The following ZEB2 variants were observed in gnomAD, a reference collection of about 807,000 sequenced individuals.
The protein encoded by ZEB2 is zinc finger E-box binding homeobox 2.
In ZEB2, 6 loss-of-function variants were observed where a neutral mutation model predicts 99.9. The ratio of observed to expected loss-of-function variants is 0.06; its 90% CI spans 0.03 to 0.12. The LOEUF is 0.12. Ranked by LOEUF, ZEB2 falls within the 10% of genes least tolerant of loss-of-function variation. The probability of loss-of-function intolerance (pLI) is 1.00; values close to 1 mark genes in which losing one functional copy is unlikely to be tolerated. For synonymous variants in ZEB2, 517 were observed against 542.5 expected (o/e 0.95, Z 0.65); for missense variants, 969 against 1,502.8 (o/e 0.64, Z 5.87).
At chr2:144,496,986 T>G (rs1209319567) in intron 2 of ZEB2, 4 of 152,274 alleles carry the variant, frequency 2.6e-5, no homozygotes, top group Admixed American at 1.3e-4. Context: ...TGACCACCTT[T>G]GCAGACTCAA....
chr2:144,392,143 T>C (rs1196321770), intron 9 of ZEB2, among the ~76,000 whole-genome samples: 2 of 152,220 alleles, frequency 1.3e-5, no homozygotes, highest in African/African-American at 2.4e-5. Flanking sequence ...AAATTATAGA[T>C]GAAAATTTTC....
chr2:144,440,671 A>C (rs1046101218), intron 2 of ZEB2, among the ~76,000 whole-genome samples: 22 of 151,718 alleles, frequency 1.5e-4, no homozygotes, highest in Admixed American at 6.6e-5. Flanking sequence ...TTTCTACTTT[A>C]GTACAGGGAG....
In ZEB2 at chr2:144,399,344, G is replaced by C; in HGVS notation, c.1843C>G (p.Gln615Glu). 1 of 1,614,166 alleles carries C rather than the reference G, an allele frequency of 6.2e-7. No homozygotes were observed. Among genetic ancestry groups the C allele is most frequent in the Non-Finnish European group, 8.5e-7 (1 of 1,180,026 alleles). The change falls in exon 8 of 10, where the codon CAG becomes GAG. Residue 615 changes from glutamine (Q) to glutamate (E), a missense_variant. Physicochemically the swap from Gln to Glu is conservative, Grantham distance 29. Coordinates refer to ENST00000627532, the MANE Select transcript of ZEB2 (RefSeq NM_014795.4). The surrounding 1 kb of genome is among the most constrained non-coding windows in gnomAD (Gnocchi z 5.6). ...KMNEEIKAVL[Q>E]PHENIVPNKA... is the part of the protein sequence containing the mutation. Reference sequence around the variant, plus strand: ...TTGGGGACTATGTTTTCATGAGGCTGCAGGACCGCCTTGATCTCTTCATTC... The same window carrying C: ...TTGGGGACTATGTTTTCATGAGGCTCCAGGACCGCCTTGATCTCTTCATTC...
intron 3 of ZEB2, chr2:144,428,253 T>C (rs1316973486): frequency 6.6e-6 from 1 of 152,172 alleles, no homozygotes; most frequent in South Asian, 2.1e-4. Context: ...ATTTAAATAG[T>C]ATGTCTTACA....
At chr2:144,477,180 T>C (rs181591199) in intron 2 of ZEB2, among the ~76,000 whole-genome samples, 1 of 152,300 alleles carries the variant, frequency 6.6e-6, no homozygotes, top group East Asian at 1.9e-4. Context: ...AAATATAATG[T>C]TGTGAGGCTG....
chr2:144,430,140 A>G (rs543113634), intron 2 of ZEB2, 114 bp from the exon 3 acceptor site: 1 of 1,420,202 alleles, frequency 7.0e-7, no homozygotes, highest in South Asian at 1.2e-5. Context: ...GAATTACTCA[A>G]CCATGTCAGG....
At position 144,385,894 on chromosome 2, in the gene ZEB2, C is replaced by T. The variant is rs1177280146; in HGVS notation, c.*3557G>A. On this transcript the variant is annotated 3_prime_UTR_variant, in exon 10 of 10. Coordinates refer to ENST00000627532, the MANE Select transcript of ZEB2 (RefSeq NM_014795.4). ...ATTCATATTTATTCAAATATAGTCC[C>T]TTCTTTCCCCTTTCCTCCAAGCCCT... 1 of 152,100 alleles carries T rather than the reference C, an allele frequency of 6.6e-6. No individual in the cohort carries two copies. The highest frequency in any genetic ancestry group is 1.5e-5 in the Non-Finnish European group (1 of 68,000). The allele number at this position is 152,100 out of a possible 1,614,324, so 9.4% of individuals were successfully genotyped here.
intron 2 of ZEB2, among the ~76,000 whole-genome samples, chr2:144,514,970 G>GCCTC (rs1365266180): frequency 6.6e-6 from 1 of 152,174 alleles, no homozygotes; most frequent in African/African-American, 2.4e-5. Flanking sequence ...CGCCCAACGG[G>GCCTC]CCTCCCTCTC....
chr2:144,511,710 A>G, intron 2 of ZEB2: 1 of 1,286,838 alleles, frequency 7.8e-7, no homozygotes, highest in Non-Finnish European at 1.0e-6. Context: ...CAGCAAACAT[A>G]CAAATAATGA....
intron 2 of ZEB2, among the ~76,000 whole-genome samples, chr2:144,476,828 G>A (rs1053119743): frequency 2.0e-5 from 3 of 152,104 alleles, no homozygotes; most frequent in Non-Finnish European, 4.4e-5. Context: ...AGGCATGGGG[G>A]TTCCATGTTT....
chr2:144,465,042 A>G, intron 2 of ZEB2, among the ~76,000 whole-genome samples: 1 of 152,166 alleles, frequency 6.6e-6, no homozygotes, highest in East Asian at 1.9e-4. Context: ...CACTTGTCCA[A>G]CTCACCTTTC....
At position 144,435,532 on chromosome 2, in the gene ZEB2, G is replaced by A. The variant is rs981763799; in HGVS notation, c.74-5506C>T. On this transcript the variant is annotated intron_variant, in intron 2 of 9. Coordinates refer to ENST00000627532, the MANE Select transcript of ZEB2 (RefSeq NM_014795.4). ...GAGGATTGTTTGAGTTTGGGAGGTC[G>A]AGGCTGTAGTGAGCTATGATCACAC... Among the ~76,000 whole-genome samples the A allele has an allele frequency of 7.9e-5, 12 of 151,248 alleles. No individual in the cohort carries two copies. The East Asian group carries it at 1.4e-3, about 17-fold the overall frequency.
intron 9 of ZEB2, among the ~76,000 whole-genome samples, chr2:144,395,241 T>TTGGGC (rs1428322447): frequency 6.6e-6 from 1 of 151,984 alleles, no homozygotes; most frequent in African/African-American, 2.4e-5. Context: ...TCAAGCAGTC[T>TTGGGC]TCCTGCCTTG....
Position 144,404,868 on chromosome 2 carries a change from C to T in ZEB2, c.560G>A (p.Gly187Asp). 6.2e-7 allele frequency: 1 copy of T among 1,614,174 alleles called. No homozygotes were observed. Among genetic ancestry groups the T allele is most frequent in the African/African-American group, 1.3e-5 (1 of 75,058 alleles). Residue 187 changes from glycine (G) to aspartate (D), a missense_variant, in exon 5 of 10, where the codon GGC becomes GAC. Physicochemically the swap from Gly to Asp is moderately conservative, Grantham distance 94 (BLOSUM62 -1). Around this residue, in one of 8 missense-constraint regions of ZEB2, gnomAD observed 65 missense variants for 147.7 expected, o/e 0.44. Transcript: ENST00000627532. ...PEAPEELSRL[G>D]TPEANGQEEN... The stretch of plus-strand genomic sequence containing the variant: ...TTCTTGCCCATTGGCCTCTGGCGTG[C>T]CAAGGCGAGACAGCTCCTCAGGGGC...
At chr2:144,450,856 AG>A (rs1428015814) in intron 2 of ZEB2, among the ~76,000 whole-genome samples, 2 of 152,094 alleles carry the variant, frequency 1.3e-5, no homozygotes, top group Non-Finnish European at 2.9e-5. Flanking sequence ...TTGTATTCTT[AG>A]TAGAGATGGG....
intron 2 of ZEB2, among the ~76,000 whole-genome samples, chr2:144,447,734 G>A (rs1275579605): frequency 1.3e-5 from 2 of 152,148 alleles, no homozygotes; most frequent in Admixed American, 6.5e-5. Context: ...CCCTTCTGAC[G>A]GGCCCATCTA....
chr2:144,404,389 A>G, intron 5 of ZEB2, among the ~76,000 whole-genome samples: 1 of 149,454 alleles, frequency 6.7e-6, no homozygotes, highest in Non-Finnish European at 1.5e-5. Flanking sequence ...GGGGGGACTT[A>G]AACAGCTGAT....
intron 4 of ZEB2, among the ~76,000 whole-genome samples, chr2:144,419,008 T>A (rs72992145): frequency 9.2e-4 from 140 of 152,130 alleles, no homozygotes; most frequent in African/African-American, 3.3e-3. Flanking sequence ...AGTTAAAAAA[T>A]AAATAAATAA....
intron 2 of ZEB2, among the ~76,000 whole-genome samples, chr2:144,464,579 G>C (rs1704245600): frequency 6.6e-6 from 1 of 151,846 alleles, no homozygotes; most frequent in Non-Finnish European, 1.5e-5. Context: ...TTTTTAATTT[G>C]TTTTATAACC....
Sources: gnomAD v4.1 joint callset for allele counts (sites outside exome capture counted in the v4.1 genomes callset) on GRCh38, gnomAD v4.1.1 for gene constraint, gnomAD v4.1.1 regional missense constraint, Gnocchi (gnomAD v3.1) non-coding constraint, MANE v1.5 for transcripts, NCBI Gene and HGNC (gene_info 2026-07-23, HGNC 2026-07-21) for gene names.